The following RLN2 variants were observed in gnomAD, a reference collection of about 807,000 sequenced individuals.
The protein encoded by RLN2 is relaxin 2.
In RLN2, 10 loss-of-function variants were observed where a neutral mutation model predicts 7.3. That is an observed-to-expected ratio of 1.36 (90% CI 0.84 to 2.31). The LOEUF (loss-of-function observed/expected upper bound fraction) is 2.31, where lower values mean the gene tolerates loss of function less well. RLN2 is among the 30% of genes most tolerant of loss of function. The pLI is 0.00. For missense variants in RLN2, 298 were observed against 217.6 expected (o/e 1.37, Z -2.32); for synonymous variants, 103 against 82.3 (o/e 1.25, Z -1.36).
In RLN2 at chr9:5,304,420, T is replaced by C. The variant is rs746620695; in HGVS notation, c.161A>G (p.Lys54Arg). The C allele has an allele frequency of 6.2e-7, 1 of 1,611,450 alleles. No individual in the cohort carries two copies. Among genetic ancestry groups the C allele is most frequent in the Non-Finnish European group, 8.5e-7 (1 of 1,179,224 alleles). ...AGCATCTTCCTGGCTCAGAGACCTTTTGCTCCAGGTGCTCATGCCGCAAAT... is the reference window on the plus strand; with the variant it reads ...AGCATCTTCCTGGCTCAGAGACCTTCTGCTCCAGGTGCTCATGCCGCAAAT... ...IAICGMSTWS[K>R]RSLSQEDAPQ... is the part of the protein sequence containing the mutation. Residue 54 changes from lysine (K) to arginine (R), a missense_variant, in exon 1 of 2, where the codon AAA becomes AGA. Coordinates refer to ENST00000381627, the MANE Select transcript of RLN2 (RefSeq NM_134441.3).
At chr9:5,335,140 A>T in the RLN2 span, 1 of 609,124 alleles carries the variant, frequency 1.6e-6, no homozygotes, top group Middle Eastern at 3.9e-4. Flanking sequence ...TCTAAACATT[A>T]ATAAAGATTT....
At chr9:5,305,084 G>C (rs1816218742), upstream of RLN2, 1 of 153,548 alleles carries the variant, frequency 6.5e-6, no homozygotes, top group South Asian at 2.0e-4. Context: ...GTATAGTGTT[G>C]GGTATATCAA....
chr9:5,304,594 T>C lies in RLN2; in HGVS notation c.-14A>G, dbSNP rs111282253. On this transcript the variant is annotated 5_prime_UTR_variant, in exon 1 of 2. Transcript: ENST00000381627. Reference sequence around the variant, plus strand: ...CAGGCGAGGCATCCTGGGCCTGGTCTCTCCTGGAGGTCGGGACGTTGCAGC... The same window carrying C: ...CAGGCGAGGCATCCTGGGCCTGGTCCCTCCTGGAGGTCGGGACGTTGCAGC... 7.7e-5 allele frequency: 125 copies of C among 1,612,960 alleles called. 4 individuals carry two copies. In the African/African-American group the frequency reaches 1.1e-3, roughly 14 times the overall value.
chr9:5,337,684 G>A, the RLN2 span, among the ~76,000 whole-genome samples: 1 of 151,910 alleles, frequency 6.6e-6, no homozygotes, highest in African/African-American at 2.4e-5. Flanking sequence ...TTCCTACCTA[G>A]TAACGGTAAA....
chr9:5,327,234 G>A, the RLN2 span, among the ~76,000 whole-genome samples: 2 of 152,100 alleles, frequency 1.3e-5, no homozygotes, highest in East Asian at 3.8e-4. Flanking sequence ...CGCAGACCAG[G>A]AGATACCCTC....
In RLN2 at chr9:5,300,189, T is replaced by C. The variant is rs1345243178; in HGVS notation, c.467A>G (p.His156Arg). Residue 156 changes from histidine (H) to arginine (R), a missense_variant, in exon 2 of 2, where the codon CAT (histidine) becomes CGT (arginine). Transcript: ENST00000381627. ...SELKYLGLDT[H>R]SRKKRQLYSA... ...GTAGAGTTGTCTCTTTTTTCGAGAA[T>C]GAGTATCCAAGCCTAAGTATTTTAA... is the stretch of plus-strand genomic sequence containing the variant. 1.2e-6 allele frequency: 2 copies of C among 1,613,762 alleles called. No individual in the cohort carries two copies. Among genetic ancestry groups the C allele is most frequent in the Non-Finnish European group, 1.7e-6 (2 of 1,179,860 alleles).
rs778467619 is a variant in RLN2 at position 5,300,125 on chromosome 9, G to C, written c.531C>G (p.Thr177=). Residue 177 remains threonine, a synonymous_variant, in exon 2 of 2, where the codon ACC becomes ACG. Transcript: ENST00000381627. The part of the protein sequence containing the change: ...LANKCCHVGC[T]KRSLARFC The stretch of plus-strand genomic sequence containing the variant: ...AGCAAAATCTAGCAAGAGATCTTTT[G>C]GTACAACCAACATGGCAACATTTAT... 7 of 1,599,322 alleles carry C rather than the reference G, an allele frequency of 4.4e-6. No homozygotes were observed. The Admixed American group carries it at 8.8e-5, about 20-fold the overall frequency.
At chr9:5,311,064 C>T in the RLN2 span, among the ~76,000 whole-genome samples, 1 of 151,994 alleles carries the variant, frequency 6.6e-6, no homozygotes, top group African/African-American at 2.4e-5. Context: ...TCACCATGAG[C>T]TCATCTGGCT....
the RLN2 span, among the ~76,000 whole-genome samples, chr9:5,332,013 T>A: frequency 6.6e-6 from 1 of 151,948 alleles, no homozygotes; most frequent in Non-Finnish European, 1.5e-5. Context: ...ATTATTTGTG[T>A]TAATGAAAAA....
chr9:5,299,984 C>G lies in RLN2; in HGVS notation c.*114G>C. On this transcript the variant is annotated 3_prime_UTR_variant, in exon 2 of 2. Coordinates refer to ENST00000381627, the MANE Select transcript of RLN2 (RefSeq NM_134441.3). The stretch of plus-strand genomic sequence containing the variant: ...TCTAAGAATTGATGGGACCTAATAT[C>G]TAACAAAGATTCTTAGATATTCTAA... 1.6e-6 allele frequency: 1 copy of G among 621,506 alleles called. No individual in the cohort carries two copies. The highest frequency in any genetic ancestry group is 2.7e-6 in the Non-Finnish European group (1 of 371,248). 38.5% of individuals were successfully genotyped at this position (621,506 alleles called of 1,614,324 possible).
chr9:5,301,921 T>C (rs963147610), intron 1 of RLN2, among the ~76,000 whole-genome samples: 1 of 152,214 alleles, frequency 6.6e-6, no homozygotes, highest in Non-Finnish European at 1.5e-5. Context: ...GATGAGAATT[T>C]ATATCGTTTT....
At chr9:5,302,896 T>C (rs1250213524) in intron 1 of RLN2, among the ~76,000 whole-genome samples, 2 of 149,718 alleles carry the variant, frequency 1.3e-5, no homozygotes. Context: ...AACATTTCTT[T>C]CCACTTACTT....
upstream of RLN2, among the ~76,000 whole-genome samples, chr9:5,307,031 G>A (rs1319423516): frequency 6.6e-6 from 1 of 152,008 alleles, no homozygotes; most frequent in Admixed American, 6.6e-5. Flanking sequence ...AAAGGGAGGT[G>A]AAGTAGCCCT....
intron 1 of RLN2, among the ~76,000 whole-genome samples, chr9:5,302,840 G>C (rs981661468): frequency 7.8e-6 from 1 of 127,650 alleles, no homozygotes; most frequent in South Asian, 2.7e-4. Context: ...AAGTATAATG[G>C]TGAGTGAAAA....
chr9:5,315,684 T>A, the RLN2 span, among the ~76,000 whole-genome samples: 2 of 151,934 alleles, frequency 1.3e-5, no homozygotes, highest in African/African-American at 4.8e-5. Flanking sequence ...CAAAGAGAAT[T>A]TCAAAAGCAG....
the RLN2 span, chr9:5,311,359 T>C: frequency 2.3e-6 from 1 of 437,490 alleles, no homozygotes; most frequent in Non-Finnish European, 4.2e-6. Context: ...GGAACTAATG[T>C]AGCTGATAGG....
chr9:5,337,329 T>A, the RLN2 span, among the ~76,000 whole-genome samples: 1 of 152,054 alleles, frequency 6.6e-6, no homozygotes, highest in Non-Finnish European at 1.5e-5. Flanking sequence ...GGCTGTGTGT[T>A]TTGAACTTTT....
the RLN2 span, chr9:5,335,517 G>A: frequency 8.6e-4 from 1,389 of 1,613,146 alleles, 21 homozygotes; most frequent in East Asian, 4.7e-3. Context: ...GCTGCCTTCA[G>A]CTCCGGTGGC....
the RLN2 span, among the ~76,000 whole-genome samples, chr9:5,329,234 C>G: frequency 7.1e-6 from 1 of 141,370 alleles, no homozygotes; most frequent in African/African-American, 2.7e-5. Context: ...ACCCGGGAAG[C>G]GGAGCTTGCA....
Sources: allele counts gnomAD v4.1 joint callset (sites outside exome capture counted in the v4.1 genomes callset), GRCh38; gene constraint gnomAD v4.1.1; transcripts MANE v1.5; gene names NCBI Gene and HGNC (gene_info 2026-07-23, HGNC 2026-07-21).